Variants in MLLT10 observed in about 807,000 individuals in gnomAD.
The protein encoded by MLLT10 is protein AF-10.
A neutral mutation model predicts 129.1 loss-of-function variants in MLLT10; 30 were observed. The ratio of observed to expected loss-of-function variants is 0.23; its 90% CI spans 0.17 to 0.32. MLLT10 has a LOEUF of 0.32. Among genes scored for constraint, MLLT10 ranks in the 10% least tolerant of loss-of-function variants. The pLI, the probability that MLLT10 is intolerant of heterozygous loss-of-function variation, is 1.00. For missense variants in MLLT10, 1,119 were observed against 1,268.3 expected (o/e 0.88, Z 1.79); for synonymous variants, 490 against 446.4 (o/e 1.10, Z -1.23).
In MLLT10 at chr10:21,651,781, T is replaced by C; in HGVS notation, c.795+13T>C. The C allele has an allele frequency of 1.3e-6, 2 of 1,575,978 alleles. No individual in the cohort carries two copies. The highest frequency in any genetic ancestry group is 1.7e-6 in the Non-Finnish European group (2 of 1,149,792). On this transcript the variant is annotated intron_variant, in intron 9 of 22. Transcript: ENST00000307729. ...TACTACAGAAAAAGTAAGTTTTAAG[T>C]ATCATATTTTGTTTTATGTAATAAG...
At chr10:21,667,360 TGTGGGG>T (rs2050915419) in intron 9 of MLLT10, among the ~76,000 whole-genome samples, 1 of 151,252 alleles carries the variant, frequency 6.6e-6, no homozygotes, top group African/African-American at 2.4e-5. Flanking sequence ...GTTCTTAAAC[TGTGGGG>T]GTTTTTTTTT....
intron 3 of MLLT10, among the ~76,000 whole-genome samples, chr10:21,539,470 C>A (rs2034693152): frequency 6.7e-6 from 1 of 148,314 alleles, no homozygotes; most frequent in South Asian, 2.2e-4. Flanking sequence ...CTTTTCTAAA[C>A]CTCTTATAAG....
intron 3 of MLLT10, among the ~76,000 whole-genome samples, chr10:21,561,597 G>T (rs1353259305): frequency 6.6e-6 from 1 of 151,994 alleles, no homozygotes; most frequent in Non-Finnish European, 1.5e-5. Context: ...GATCCATTTT[G>T]AGCCAATTTT....
chr10:21,640,776 G>C (rs1016439921), intron 8 of MLLT10, among the ~76,000 whole-genome samples: 2 of 152,178 alleles, frequency 1.3e-5, no homozygotes, highest in Non-Finnish European at 2.9e-5. Flanking sequence ...AGAGAGACTT[G>C]TGTAGCATGG....
chr10:21,565,856 A>G (rs2039485578), intron 3 of MLLT10, among the ~76,000 whole-genome samples: 1 of 144,410 alleles, frequency 6.9e-6, no homozygotes, highest in Admixed American at 7.0e-5. Flanking sequence ...CCCTCCTGTC[A>G]TGGCCTCCCA....
chr10:21,583,609 A>G (rs1289303164), intron 3 of MLLT10, among the ~76,000 whole-genome samples: 1 of 152,158 alleles, frequency 6.6e-6, no homozygotes, highest in East Asian at 1.9e-4. Flanking sequence ...ACTTTTACTC[A>G]TGGGGCAGTG....
At chr10:21,623,650 A>G (rs1243179) in intron 8 of MLLT10, among the ~76,000 whole-genome samples, 36,612 of 152,208 alleles carry the variant, frequency 0.24, 5,487 homozygotes, top group Middle Eastern at 0.46. Flanking sequence ...TGACTAGTCA[A>G]AATCACTAGG....
At chr10:21,625,390 CT>C in intron 8 of MLLT10, 1 of 800,844 alleles carries the variant, frequency 1.2e-6, no homozygotes. Context: ...CAGAAAATGA[CT>C]TTTCCAATAT....
intron 13 of MLLT10, among the ~76,000 whole-genome samples, chr10:21,699,088 T>C (rs2131464574): frequency 6.6e-6 from 1 of 152,326 alleles, no homozygotes; most frequent in South Asian, 2.1e-4. Flanking sequence ...TTGGCCAGGC[T>C]GGTCTCAAAC....
At chr10:21,626,909 TGTGTTGGGTGAGACTGAAGA>T (rs2046506321) in intron 8 of MLLT10, among the ~76,000 whole-genome samples, 1 of 152,088 alleles carries the variant, frequency 6.6e-6, no homozygotes, top group Non-Finnish European at 1.5e-5. Flanking sequence ...AATGTGAGGG[TGTGTTGGGTGAGACTGAAGA>T]GTATGGTAAC....
Position 21,588,581 on chromosome 10 carries a change from TGATA to T in MLLT10, c.295+2239_295+2242del, listed in dbSNP as rs147945217. The stretch of plus-strand genomic sequence containing the variant: ...GTCAAAGGAGTTTTGCCGTTAATTT[TGATA>T]GATAGTCCCAAATTATTTGCCCTGT... On this transcript the variant is annotated intron_variant, in intron 4 of 22. Transcript: ENST00000307729. 6.1e-3 allele frequency among the ~76,000 whole-genome samples: 932 copies of T among 152,222 alleles called. 11 individuals are homozygous for T. The highest frequency in any genetic ancestry group is 0.021 in the African/African-American group (886 of 41,534).
At chr10:21,676,487 G>A (rs2052138541) in intron 11 of MLLT10, among the ~76,000 whole-genome samples, 1 of 151,042 alleles carries the variant, frequency 6.6e-6, no homozygotes. Context: ...TTGGGAGGCC[G>A]AGGTGGGCAG....
chr10:21,568,827 G>A (rs1056385220), intron 3 of MLLT10, among the ~76,000 whole-genome samples: 1 of 152,028 alleles, frequency 6.6e-6, no homozygotes, highest in African/African-American at 2.4e-5. Context: ...GCAGAGACGG[G>A]GTTTCACCGT....
Position 21,619,755 on chromosome 10 carries a change from A to C in MLLT10, c.699+2548A>C, listed in dbSNP as rs138323494. Among the ~76,000 whole-genome samples, 35 of 152,310 alleles carry C rather than the reference A, an allele frequency of 2.3e-4. 1 individual carries two copies. In the East Asian group the frequency reaches 2.9e-3, roughly 13 times the overall value. ...TCTACAAAGTAAGCACACTAAATGA[A>C]GGAAACATACTGTAAGTTTATTATT... On this transcript the variant is annotated intron_variant, in intron 8 of 22. Coordinates refer to ENST00000307729, the MANE Select transcript of MLLT10 (RefSeq NM_001195626.3).
chr10:21,669,856 C>T (rs1217665985), intron 9 of MLLT10, among the ~76,000 whole-genome samples: 1 of 152,036 alleles, frequency 6.6e-6, no homozygotes, highest in Non-Finnish European at 1.5e-5. Context: ...AAAATCTTAC[C>T]TTTGCGATAT....
intron 21 of MLLT10, among the ~76,000 whole-genome samples, chr10:21,736,281 T>G (rs1244445830): frequency 6.6e-6 from 1 of 152,088 alleles, no homozygotes; most frequent in Non-Finnish European, 1.5e-5. Flanking sequence ...CCTGGAATTG[T>G]GGTATATATA....
In MLLT10 at chr10:21,734,135, A is replaced by G. The variant is rs1564746259; in HGVS notation, c.2858+6A>G. ...CCAGCTACACTGACTAACAGGTAAG[A>G]AACTTAAGTATGTTTTGGGTTTTTT... On this transcript the variant is annotated splice_donor_region_variant and intron_variant, in intron 20 of 22. Transcript: ENST00000307729. The G allele has an allele frequency of 1.3e-6, 2 of 1,585,874 alleles. No homozygotes were observed. Among genetic ancestry groups the G allele is most frequent in the East Asian group, 2.2e-5 (1 of 44,616 alleles).
intron 12 of MLLT10, 21 bp from the exon 13 acceptor site, chr10:21,682,204 C>T (rs774588595): frequency 6.2e-7 from 1 of 1,605,028 alleles, no homozygotes; most frequent in East Asian, 2.3e-5. Context: ...AACCTGAAGT[C>T]CTTTTTTCCT....
In MLLT10 at chr10:21,740,167, C is replaced by T. The variant is rs1245953732; in HGVS notation, c.3093C>T (p.Pro1031=). 3.1e-6 allele frequency: 5 copies of T among 1,614,160 alleles called. No homozygotes were observed. Among genetic ancestry groups the T allele is most frequent in the Non-Finnish European group, 4.2e-6 (5 of 1,180,016 alleles). The change falls in exon 22 of 23, where the codon CCC becomes CCT. Residue 1031 remains proline, a synonymous_variant. Coordinates refer to ENST00000307729, the MANE Select transcript of MLLT10 (RefSeq NM_001195626.3). ...INNLLAGTQA[P]PLHTATTNPF... Reference sequence around the variant, plus strand: ...ACCTTCTTGCAGGTACACAGGCACCCCCACTTCACACAGCTACCACCAACC... The same window carrying T: ...ACCTTCTTGCAGGTACACAGGCACCTCCACTTCACACAGCTACCACCAACC...
Sources: allele counts gnomAD v4.1 joint callset (sites outside exome capture counted in the v4.1 genomes callset), GRCh38; gene constraint gnomAD v4.1.1; transcripts MANE v1.5; gene names NCBI Gene and HGNC (gene_info 2026-07-23, HGNC 2026-07-21).